Variants in ARHGAP26 observed in about 807,000 individuals in gnomAD.
ARHGAP26 encodes Rho GTPase activating protein 26, also known as rho GTPase-activating protein 26.
In ARHGAP26, 38 loss-of-function variants were observed where a neutral mutation model predicts 104.8. The ratio of observed to expected loss-of-function variants is 0.36; its 90% CI spans 0.28 to 0.48. The LOEUF (loss-of-function observed/expected upper bound fraction) is 0.48, where lower values mean the gene tolerates loss of function less well. ARHGAP26 is among the 20% of genes least tolerant of loss of function. The probability of loss-of-function intolerance (pLI) is 0.99; values close to 1 mark genes in which losing one functional copy is unlikely to be tolerated. For missense variants in ARHGAP26, 704 were observed against 947.9 expected, an observed-to-expected ratio of 0.74 and a Z score of 3.38; for synonymous variants, 341 against 340.0, an observed-to-expected ratio of 1.00 and a Z score of -0.03.
At chr5:143,169,095 C>G (rs1300153431) in intron 20 of ARHGAP26, 6 of 152,244 alleles carry the variant, frequency 3.9e-5, no homozygotes, top group African/African-American at 1.4e-4. Context: ...TTGCATTTCT[C>G]TCAATCCAGG....
chr5:142,907,479 T>A (rs565751890), intron 8 of ARHGAP26: 2 of 280,122 alleles, frequency 7.1e-6, no homozygotes, highest in Non-Finnish European at 1.4e-5. Flanking sequence ...TGGGAAACAG[T>A]CTTCTTTGGT....
intron 11 of ARHGAP26, among the ~76,000 whole-genome samples, chr5:143,007,929 A>G (rs771950557): frequency 1.6e-4 from 24 of 152,182 alleles, no homozygotes; most frequent in Non-Finnish European, 2.2e-4. Context: ...GTTATATTAC[A>G]TTGCCAACAA....
At chr5:143,063,868 G>A (rs1356349631) in intron 17 of ARHGAP26, among the ~76,000 whole-genome samples, 2 of 152,184 alleles carry the variant, frequency 1.3e-5, no homozygotes, top group African/African-American at 4.8e-5. Flanking sequence ...CTTTTAGCAT[G>A]TATCACATTC....
chr5:143,005,609 TC>T (rs1777836635), intron 11 of ARHGAP26, among the ~76,000 whole-genome samples: 1 of 152,222 alleles, frequency 6.6e-6, no homozygotes, highest in African/African-American at 2.4e-5. Flanking sequence ...TTCACGGGTG[TC>T]CAGAGCACTT....
intron 20 of ARHGAP26, chr5:143,202,723 C>G (rs1245340254): frequency 1.3e-5 from 2 of 152,164 alleles, no homozygotes; most frequent in African/African-American, 2.4e-5. Context: ...GGTACCAAAA[C>G]AGATATATAG....
intron 11 of ARHGAP26, 60 bp from the exon 12 acceptor site, chr5:143,014,020 C>T (rs888141691): frequency 2.6e-6 from 4 of 1,535,404 alleles, no homozygotes; most frequent in Non-Finnish European, 3.6e-6. Flanking sequence ...TGGTTTTCTA[C>T]AGTGAACCTA....
intron 14 of ARHGAP26, among the ~76,000 whole-genome samples, chr5:143,047,995 T>C (rs1784453958): frequency 6.6e-6 from 1 of 151,924 alleles, no homozygotes; most frequent in Admixed American, 6.6e-5. Context: ...TATAGGTGCA[T>C]GCCCCCACAC....
intron 11 of ARHGAP26, among the ~76,000 whole-genome samples, chr5:142,955,661 A>G (rs572606253): frequency 1.3e-4 from 20 of 152,348 alleles, no homozygotes; most frequent in African/African-American, 4.3e-4. Flanking sequence ...TCTCCAAGAA[A>G]TGACTGAGGA....
At chr5:143,058,907 A>G (rs907512753) in intron 17 of ARHGAP26, among the ~76,000 whole-genome samples, 2 of 152,232 alleles carry the variant, frequency 1.3e-5, no homozygotes, top group African/African-American at 4.8e-5. Context: ...GGCTTTCCAT[A>G]TCAGAGCTGC....
chr5:143,187,104 A>T (rs1434074153), intron 20 of ARHGAP26, among the ~76,000 whole-genome samples: 1 of 152,192 alleles, frequency 6.6e-6, no homozygotes. Flanking sequence ...TTTAATTATC[A>T]CCAATCCTAT....
chr5:143,010,492 C>G (rs909481676), intron 11 of ARHGAP26, among the ~76,000 whole-genome samples: 1 of 152,242 alleles, frequency 6.6e-6, no homozygotes, highest in Non-Finnish European at 1.5e-5. Context: ...GAGCCACCAT[C>G]TGGTTGCTTC....
Position 143,225,729 on chromosome 5 carries a change from G to T in ARHGAP26, c.*3283G>T, listed in dbSNP as rs143219468. 5 of 229,164 alleles carry T rather than the reference G, an allele frequency of 2.2e-5. No homozygotes were observed. Among genetic ancestry groups the T allele is most frequent in the African/African-American group, 1.1e-4 (5 of 44,966 alleles). The allele number at this position is 229,164 out of a possible 1,614,324, so 14.2% of individuals were successfully genotyped here. The stretch of plus-strand genomic sequence containing the variant: ...TTAGGTAACTCCCTCCCTAGCTTCC[G>T]TGTGTCTGTGCAGTGCCCATGAGCT... On this transcript the variant is annotated 3_prime_UTR_variant, in exon 23 of 23. Transcript: ENST00000645722.
chr5:143,008,862 C>T (rs1598607154), intron 11 of ARHGAP26, among the ~76,000 whole-genome samples: 1 of 152,182 alleles, frequency 6.6e-6, no homozygotes, highest in African/African-American at 2.4e-5. Flanking sequence ...CCAGATGACT[C>T]TGTGTATTCT....
chr5:142,778,792 C>T (rs1053868464), intron 1 of ARHGAP26, among the ~76,000 whole-genome samples: 1 of 152,112 alleles, frequency 6.6e-6, no homozygotes, highest in African/African-American at 2.4e-5. Flanking sequence ...TTGTTTAGGT[C>T]CTTTGCATCC....
intron 18 of ARHGAP26, among the ~76,000 whole-genome samples, chr5:143,129,220 T>C (rs535514003): frequency 1.3e-5 from 2 of 152,354 alleles, no homozygotes; most frequent in South Asian, 4.1e-4. Flanking sequence ...TTTACACTTA[T>C]AAATTAAATC....
intron 6 of ARHGAP26, among the ~76,000 whole-genome samples, chr5:142,898,345 A>T (rs1035136857): frequency 6.6e-6 from 1 of 152,144 alleles, no homozygotes; most frequent in African/African-American, 2.4e-5. Flanking sequence ...GACTCCATGA[A>T]GGTGAAGCCA....
At chr5:142,828,739 T>A (rs147569180) in intron 1 of ARHGAP26, among the ~76,000 whole-genome samples, 56 of 152,244 alleles carry the variant, frequency 3.7e-4, no homozygotes, top group African/African-American at 1.3e-3. Context: ...TAGGGGATTG[T>A]CTCTATATTT....
intron 20 of ARHGAP26, among the ~76,000 whole-genome samples, chr5:143,204,572 G>A (rs1808271510): frequency 6.6e-6 from 1 of 152,208 alleles, no homozygotes; most frequent in Non-Finnish European, 1.5e-5. Context: ...CATGGGGATT[G>A]AGGAGTAAGT....
intron 1 of ARHGAP26, among the ~76,000 whole-genome samples, chr5:142,826,202 T>C (rs1767224217): frequency 6.6e-6 from 1 of 152,264 alleles, no homozygotes; most frequent in South Asian, 2.1e-4. Flanking sequence ...AATGAACTGA[T>C]GCTTCGTCTG....
Sources: gnomAD v4.1 joint callset for allele counts (sites outside exome capture counted in the v4.1 genomes callset) on GRCh38, gnomAD v4.1.1 for gene constraint, MANE v1.5 for transcripts, NCBI Gene and HGNC (gene_info 2026-07-23, HGNC 2026-07-21) for gene names.